The following PTPRD variants were observed in gnomAD, a reference collection of about 807,000 sequenced individuals.
PTPRD encodes receptor-type tyrosine-protein phosphatase delta.
PTPRD carries 34 observed loss-of-function variants against 214.5 expected under a neutral mutation model. The observed-to-expected ratio is 0.16, with a 90% CI of 0.12 to 0.21. The LOEUF (loss-of-function observed/expected upper bound fraction) is 0.21, where lower values mean the gene tolerates loss of function less well. Ranked by LOEUF, PTPRD falls within the 10% of genes least tolerant of loss-of-function variation. PTPRD has a pLI of 1.00. For synonymous variants in PTPRD, 1,128 were observed against 845.7 expected (o/e 1.33, Z -5.79); for missense variants, 2,545 against 2,398.7 (o/e 1.06, Z -1.27).
Position 8,471,044 on chromosome 9 carries a change from C to T in PTPRD, c.3455G>A (p.Gly1152Glu), listed in dbSNP as rs2134944893. Residue 1152 changes from glycine to glutamate, a missense_variant, in exon 31 of 46, where the codon GGG (glycine) becomes GAG (glutamate). Coordinates refer to ENST00000381196, the MANE Select transcript of PTPRD (RefSeq NM_002839.4). ...IIIVPLKKSR[G>E]KFIKPWESPD... ...ACTCTCCCATGGCTTGATAAATTTC[C>T]CGCGAGATTTCTTCAAAGGCACAAT... 6.2e-7 allele frequency: 1 copy of T among 1,613,456 alleles called. No individual in the cohort carries two copies. Among genetic ancestry groups the T allele is most frequent in the South Asian group, 1.1e-5 (1 of 91,072 alleles).
intron 23 of PTPRD, among the ~76,000 whole-genome samples, chr9:8,501,939 A>G (rs1055112868): frequency 6.6e-6 from 1 of 152,222 alleles, no homozygotes. Context: ...CAAAATGTCA[A>G]TAACACAGCC....
At chr9:9,349,633 A>G (rs917529820) in intron 9 of PTPRD, among the ~76,000 whole-genome samples, 6 of 137,308 alleles carry the variant, frequency 4.4e-5, no homozygotes, top group Admixed American at 7.2e-5. Flanking sequence ...TGATTGTTTT[A>G]TGGCTTTATT....
intron 5 of PTPRD, among the ~76,000 whole-genome samples, chr9:9,779,917 A>G (rs1449768317): frequency 1.3e-5 from 2 of 152,306 alleles, no homozygotes; most frequent in East Asian, 3.9e-4. Flanking sequence ...TATATACCCC[A>G]AAGAAAATAG....
intron 10 of PTPRD, among the ~76,000 whole-genome samples, chr9:9,045,714 C>T (rs886829934): frequency 3.3e-5 from 5 of 152,170 alleles, no homozygotes; most frequent in African/African-American, 1.2e-4. Context: ...CCTGTGAACA[C>T]ATTGTCTTCC....
chr9:10,189,945 G>A (rs112243755), intron 3 of PTPRD, among the ~76,000 whole-genome samples: 4 of 152,230 alleles, frequency 2.6e-5, no homozygotes, highest in African/African-American at 4.8e-5. Flanking sequence ...GCAAGAGGAT[G>A]TTCACTGCAA....
intron 6 of PTPRD, among the ~76,000 whole-genome samples, chr9:9,736,805 C>T (rs1256716198): frequency 6.6e-6 from 1 of 151,918 alleles, no homozygotes; most frequent in African/African-American, 2.4e-5. Context: ...TATCGATTCA[C>T]AGAAGTGCTT....
intron 5 of PTPRD, among the ~76,000 whole-genome samples, chr9:9,908,325 A>T (rs1172716069): frequency 6.6e-6 from 1 of 151,898 alleles, no homozygotes; most frequent in African/African-American, 2.4e-5. Flanking sequence ...ATAAAGGGGG[A>T]GTGTCAAGGA....
chr9:10,150,499 C>T (rs527308274), intron 3 of PTPRD, among the ~76,000 whole-genome samples: 9 of 151,448 alleles, frequency 5.9e-5, no homozygotes, highest in African/African-American at 1.7e-4. Flanking sequence ...CATCACATAC[C>T]GGGGCCTTTC....
At chr9:10,438,175 T>C (rs12338996) in intron 2 of PTPRD, among the ~76,000 whole-genome samples, 27,191 of 150,624 alleles carry the variant, frequency 0.18, 4,181 homozygotes, top group African/African-American at 0.42. Context: ...TCATTTTCCT[T>C]TTTGGTTCAG....
intron 7 of PTPRD, among the ~76,000 whole-genome samples, chr9:9,619,443 TATAAGC>T (rs2095100396): frequency 6.7e-6 from 1 of 149,472 alleles, no homozygotes; most frequent in Non-Finnish European, 1.5e-5. Flanking sequence ...TATATATCTA[TATAAGC>T]ATGTCTATGT....
intron 3 of PTPRD, among the ~76,000 whole-genome samples, chr9:10,172,772 T>G (rs996838255): frequency 6.6e-6 from 1 of 152,172 alleles, no homozygotes; most frequent in Non-Finnish European, 1.5e-5. Flanking sequence ...GGCCTGCTAG[T>G]GATACCCAGG....
chr9:9,201,366 C>T (rs538151499), intron 9 of PTPRD, among the ~76,000 whole-genome samples: 1 of 152,242 alleles, frequency 6.6e-6, no homozygotes, highest in Admixed American at 6.5e-5. Context: ...CTGTGGAATG[C>T]TTATTTGGAC....
At position 10,040,474 on chromosome 9, in the gene PTPRD, G is replaced by A. The variant is rs114647338; in HGVS notation, c.-544-6684C>T. Among the ~76,000 whole-genome samples the A allele has an allele frequency of 3.6e-3, 555 of 152,146 alleles. 1 individual carries two copies. The highest frequency in any genetic ancestry group is 0.012 in the African/African-American group (503 of 41,544). ...TATAACCTAATTGCCACTACCCTGA[G>A]TGTGGGATGCAATCACTGCTTATTC... On this transcript the variant is annotated intron_variant, in intron 3 of 45. Transcript: ENST00000381196.
chr9:8,455,208 C>T (rs117189384), intron 33 of PTPRD, among the ~76,000 whole-genome samples: 2,457 of 152,264 alleles, frequency 0.016, 31 homozygotes, highest in Middle Eastern at 0.031. Context: ...AGTGCATCTT[C>T]AGTTTAGGAA....
At chr9:9,970,429 C>CAAAAA in intron 4 of PTPRD, among the ~76,000 whole-genome samples, 1 of 92,148 alleles carries the variant, frequency 1.1e-5, no homozygotes, top group African/African-American at 3.7e-5. Flanking sequence ...GACTCCTTCT[C>CAAAAA]AAAAAAAAAA....
intron 9 of PTPRD, among the ~76,000 whole-genome samples, chr9:9,314,336 G>T (rs914171702): frequency 6.6e-5 from 10 of 152,066 alleles, no homozygotes; most frequent in Non-Finnish European, 1.2e-4. Flanking sequence ...AACAAGTTCT[G>T]TTCTTACATC....
At chr9:10,024,267 C>T (rs1222364240) in intron 4 of PTPRD, among the ~76,000 whole-genome samples, 1 of 151,964 alleles carries the variant, frequency 6.6e-6, no homozygotes, top group African/African-American at 2.4e-5. Flanking sequence ...TGCACTATTA[C>T]CTAAATAGAG....
intron 12 of PTPRD, among the ~76,000 whole-genome samples, chr9:8,644,240 C>A (rs560082868): frequency 6.6e-6 from 1 of 151,826 alleles, no homozygotes; most frequent in African/African-American, 2.4e-5. Context: ...GTGAACACTC[C>A]GGACGACCTG....
At chr9:10,103,064 A>G (rs1007465082) in intron 3 of PTPRD, among the ~76,000 whole-genome samples, 2 of 151,648 alleles carry the variant, frequency 1.3e-5, no homozygotes, top group African/African-American at 4.8e-5. Flanking sequence ...TAATGTAAAC[A>G]ACATGTTAAA....
Sources: allele counts gnomAD v4.1 joint callset (sites outside exome capture counted in the v4.1 genomes callset), GRCh38; gene constraint gnomAD v4.1.1; transcripts MANE v1.5; gene names NCBI Gene and HGNC (gene_info 2026-07-23, HGNC 2026-07-21).